SDK2: variants seen among roughly 807,000 people sequenced by gnomAD.
SDK2 encodes the protein sidekick cell adhesion molecule 2.
SDK2 carries 105 observed loss-of-function variants against 253.9 expected under a neutral mutation model. That is an observed-to-expected ratio of 0.41 (90% CI 0.35 to 0.49). SDK2 has a LOEUF of 0.49. Among genes scored for constraint, SDK2 ranks in the 20% least tolerant of loss-of-function variants. The probability of loss-of-function intolerance (pLI) is 0.06; values close to 1 mark genes in which losing one functional copy is unlikely to be tolerated. For synonymous variants in SDK2, 1,249 were observed against 1,234.9 expected (o/e 1.01, Z -0.24); for missense variants, 2,608 against 3,003.0 (o/e 0.87, Z 3.07).
At chr17:73,415,250 C>G (rs1450231556) in intron 17 of SDK2, among the ~76,000 whole-genome samples, 2 of 152,124 alleles carry the variant, frequency 1.3e-5, no homozygotes, top group African/African-American at 4.8e-5. Context: ...ACAGCCAAGG[C>G]TCTCGGGCCT....
chr17:73,611,710 T>G lies in SDK2; in HGVS notation c.64+32315A>C, dbSNP rs2045977189. Among the ~76,000 whole-genome samples the G allele has an allele frequency of 2.0e-5, 3 of 152,164 alleles. No homozygotes were observed. In the South Asian group the frequency reaches 6.2e-4, roughly 32 times the overall value. The stretch of plus-strand genomic sequence containing the variant: ...AGTTAGGGTGCAGTGAGAGGGTCCC[T>G]TGCCCCCACCCCAGCTCTGTAAGGC... On this transcript the variant is annotated intron_variant, in intron 1 of 44. Coordinates refer to ENST00000392650, the MANE Select transcript of SDK2 (RefSeq NM_001144952.2).
chr17:73,351,024 C>T (rs2062533302), intron 41 of SDK2, among the ~76,000 whole-genome samples: 2 of 151,974 alleles, frequency 1.3e-5, no homozygotes, highest in African/African-American at 4.8e-5. Context: ...GGCTACCTGG[C>T]TCAATAGGAA....
At chr17:73,424,509 CATT>C (rs919541315) in intron 12 of SDK2, among the ~76,000 whole-genome samples, 1 of 152,182 alleles carries the variant, frequency 6.6e-6, no homozygotes, top group Non-Finnish European at 1.5e-5. Context: ...TGAGGGGAAT[CATT>C]ATATCAATGC....
Position 73,472,102 on chromosome 17 carries a change from T to C in SDK2, c.331+10A>G, listed in dbSNP as rs916900344. The C allele has an allele frequency of 2.6e-6, 4 of 1,546,492 alleles. No homozygotes were observed. Among genetic ancestry groups the C allele is most frequent in the Admixed American group, 2.0e-5 (1 of 50,974 alleles). On this transcript the variant is annotated intron_variant, in intron 3 of 44. Transcript: ENST00000392650. ...CGCCCCCCCTGCCCCTGGGTCCCCA[T>C]TGTACTCACAGGCCACCTGGACCTC...
intron 1 of SDK2, among the ~76,000 whole-genome samples, chr17:73,604,528 C>T (rs1280690650): frequency 6.6e-6 from 1 of 152,234 alleles, no homozygotes; most frequent in African/African-American, 2.4e-5. Context: ...CTGGGATCTC[C>T]ACTGCCACCT....
chr17:73,511,577 C>G lies in SDK2; in HGVS notation c.65-3980G>C, dbSNP rs2063980950. ...GAAGGGGAGGCCTTTCCCTGAGAGCCTGCTGGGTACCAGGCCCTGGGCTGG... is the reference window on the plus strand; with the variant it reads ...GAAGGGGAGGCCTTTCCCTGAGAGCGTGCTGGGTACCAGGCCCTGGGCTGG... On this transcript the variant is annotated intron_variant, in intron 1 of 44. Transcript: ENST00000392650. This position sits in a 1 kb window ranked among gnomAD's most constrained non-coding sequence, Gnocchi z 4.9. Among the ~76,000 whole-genome samples the G allele has an allele frequency of 6.6e-6, 1 of 152,176 alleles. No individual in the cohort carries two copies. The highest frequency in any genetic ancestry group is 2.4e-5 in the African/African-American group (1 of 41,444).
At position 73,611,495 on chromosome 17, in the gene SDK2, G is replaced by T. The variant is rs140600490; in HGVS notation, c.64+32530C>A. 1.7e-3 allele frequency among the ~76,000 whole-genome samples: 252 copies of T among 152,342 alleles called. 3 individuals carry two copies. The East Asian group carries it at 0.043, about 26-fold the overall frequency. ...GGACGCCCAAGTCCCCCTGGGAGAG[G>T]TGCCCTGGGGGGACCCCAACACCTT... On this transcript the variant is annotated intron_variant, in intron 1 of 44. Transcript: ENST00000392650.
At chr17:73,429,257 C>A (rs1173797618) in intron 12 of SDK2, among the ~76,000 whole-genome samples, 1 of 152,102 alleles carries the variant, frequency 6.6e-6, no homozygotes, top group Non-Finnish European at 1.5e-5. Context: ...ACCTTTTTTA[C>A]AGTTGGTATG....
At chr17:73,461,524 G>A (rs2145673790) in intron 3 of SDK2, among the ~76,000 whole-genome samples, 1 of 152,338 alleles carries the variant, frequency 6.6e-6, no homozygotes, top group Non-Finnish European at 1.5e-5. Flanking sequence ...GGGAATGGGA[G>A]GGGAAGTACG....
intron 36 of SDK2, among the ~76,000 whole-genome samples, chr17:73,370,145 A>G (rs2062722681): frequency 6.6e-6 from 1 of 152,240 alleles, no homozygotes; most frequent in African/African-American, 2.4e-5. Context: ...TAAAGTGAGA[A>G]AGAGCTAATA....
rs151254706 is a variant in SDK2 at position 73,474,180 on chromosome 17, T to G, written c.225-1962A>C. 2.7e-3 allele frequency among the ~76,000 whole-genome samples: 406 copies of G among 152,286 alleles called. 6 individuals are homozygous for G. The highest frequency in any genetic ancestry group is 9.4e-3 in the African/African-American group (391 of 41,558). ...CCGCACCCAGCCAATTTTTAACAAA[T>G]TTTTAAACTTAAATTTTACACAAAG... On this transcript the variant is annotated intron_variant, in intron 2 of 44. Transcript: ENST00000392650.
At chr17:73,536,282 C>G (rs2044770615) in intron 1 of SDK2, among the ~76,000 whole-genome samples, 1 of 152,208 alleles carries the variant, frequency 6.6e-6, no homozygotes, top group South Asian at 2.1e-4. Flanking sequence ...GATCAGCAAG[C>G]AGGTCACTGG....
chr17:73,573,395 A>G (rs1021815392), intron 1 of SDK2, among the ~76,000 whole-genome samples: 2 of 152,142 alleles, frequency 1.3e-5, no homozygotes, highest in African/African-American at 4.8e-5. Flanking sequence ...TGGCACTAGC[A>G]GGCCCACAGC....
intron 31 of SDK2, among the ~76,000 whole-genome samples, chr17:73,386,146 G>A (rs527449619): frequency 4.6e-5 from 7 of 152,286 alleles, no homozygotes; most frequent in South Asian, 4.1e-4. Flanking sequence ...AGCCCCCTCC[G>A]CTCTGCTCCT....
At chr17:73,413,042 C>T (rs1189518740) in intron 18 of SDK2, among the ~76,000 whole-genome samples, 1 of 152,178 alleles carries the variant, frequency 6.6e-6, no homozygotes, top group Non-Finnish European at 1.5e-5. Context: ...CACGGACCAC[C>T]AGGTACCAGT....
intron 1 of SDK2, among the ~76,000 whole-genome samples, chr17:73,574,162 G>C (rs184765874): frequency 6.6e-6 from 1 of 152,344 alleles, no homozygotes; most frequent in East Asian, 1.9e-4. Flanking sequence ...GAAGCTCCAT[G>C]AAGGCAAGGA....
intron 1 of SDK2, among the ~76,000 whole-genome samples, chr17:73,626,338 C>T (rs2046201578): frequency 6.6e-6 from 1 of 152,220 alleles, no homozygotes; most frequent in South Asian, 2.1e-4. Flanking sequence ...GCCCTGGCCT[C>T]TCCAAGGAAA....
At chr17:73,460,501 A>G (rs2063556523) in intron 3 of SDK2, among the ~76,000 whole-genome samples, 1 of 152,220 alleles carries the variant, frequency 6.6e-6, no homozygotes, top group African/African-American at 2.4e-5. Flanking sequence ...TTACATAGCC[A>G]TAGAAACTAG....
chr17:73,546,167 C>T (rs1249428118), intron 1 of SDK2, among the ~76,000 whole-genome samples: 3 of 152,208 alleles, frequency 2.0e-5, no homozygotes, highest in Admixed American at 6.5e-5. Context: ...CAGCTGCCCC[C>T]TCCGCCTTTC....
Sources: gnomAD v4.1 joint callset for allele counts (sites outside exome capture counted in the v4.1 genomes callset) on GRCh38, gnomAD v4.1.1 for gene constraint, Gnocchi (gnomAD v3.1) non-coding constraint, MANE v1.5 for transcripts, NCBI Gene and HGNC (gene_info 2026-07-23, HGNC 2026-07-21) for gene names.